GAL: variants seen among roughly 807,000 people sequenced by gnomAD.
GAL encodes galanin peptides.
In GAL, 14 loss-of-function variants were observed where a neutral mutation model predicts 15.8. That is an observed-to-expected ratio of 0.89 (90% CI 0.59 to 1.39). The LOEUF (loss-of-function observed/expected upper bound fraction) is 1.39. Ranked by LOEUF, GAL falls within the 40% of genes most tolerant of loss-of-function variation. The pLI is 0.00. For missense variants in GAL, 176 were observed against 170.4 expected (o/e 1.03, Z -0.18); for synonymous variants, 79 against 73.8 (o/e 1.07, Z -0.36).
At chr11:68,690,832 G>A (rs533223491) in intron 5 of GAL, 85 bp from the exon 6 acceptor site, 23 of 879,938 alleles carry the variant, frequency 2.6e-5, no homozygotes, top group East Asian at 1.7e-4. Context: ...ACCACACGCC[G>A]CTTCCTGTAG....
chr11:68,686,238 CCG>C (rs999591543), intron 3 of GAL, among the ~76,000 whole-genome samples: 36 of 152,248 alleles, frequency 2.4e-4, no homozygotes, highest in African/African-American at 8.7e-4. Flanking sequence ...TGACACCTCC[CCG>C]TGTCCGCCCC....
chr11:68,684,637 C>A lies in GAL; in HGVS notation c.-96C>A. The A allele has an allele frequency of 3.2e-6, 1 of 310,910 alleles. No homozygotes were observed. The highest frequency in any genetic ancestry group is 5.1e-5 in the East Asian group (1 of 19,612). 19.3% of individuals were successfully genotyped at this position (310,910 alleles called of 1,614,324 possible). The stretch of plus-strand genomic sequence containing the variant: ...CGGTGAGCGCCCCAGGCCGCCAGAG[C>A]CCACCCGACCCGGCCCGACGCCCGG... On this transcript the variant is annotated 5_prime_UTR_variant, in exon 1 of 6. Transcript: ENST00000265643.
intron 3 of GAL, among the ~76,000 whole-genome samples, chr11:68,687,403 G>C (rs1251653410): frequency 6.6e-6 from 1 of 151,298 alleles, no homozygotes; most frequent in South Asian, 2.1e-4. Context: ...CTCCATTTTC[G>C]CACCACGAAA....
Position 68,688,027 on chromosome 11 carries a change from C to A in GAL, c.150C>A (p.Asn50Lys). The A allele has an allele frequency of 2.5e-6, 4 of 1,611,226 alleles. No individual in the cohort carries two copies. In the South Asian group the frequency reaches 4.4e-5, roughly 18 times the overall value. ...ATCTGCAAACAGATGCCGTTGGCAA[C>A]CACAGGTCATTCAGCGACAAGAATG... The part of the protein sequence containing the change: ...GYLLGPHAVG[N>K]HRSFSDKNGL... The change falls in exon 4 of 6, where the codon AAC (asparagine) becomes AAA (lysine). Residue 50 changes from asparagine (N) to lysine (K), a missense_variant. Asn to Lys is a moderately conservative substitution (Grantham distance 94, BLOSUM62 0). Coordinates refer to ENST00000265643, the MANE Select transcript of GAL (RefSeq NM_015973.5).
At chr11:68,685,787 T>C in intron 3 of GAL, 139 bp downstream of exon 3, 1 of 698,940 alleles carries the variant, frequency 1.4e-6, no homozygotes, top group East Asian at 2.7e-5. Flanking sequence ...TCCATTGCTC[T>C]GCACACTTGA....
chr11:68,685,363 G>T (rs1335297894), intron 2 of GAL, among the ~76,000 whole-genome samples: 1 of 152,264 alleles, frequency 6.6e-6, no homozygotes, highest in African/African-American at 2.4e-5. Context: ...CAGGTGCAGT[G>T]CGCTGAGAGT....
intron 4 of GAL, 96 bp from the exon 5 acceptor site, chr11:68,688,753 C>A: frequency 4.2e-6 from 3 of 709,152 alleles, no homozygotes; most frequent in South Asian, 3.1e-5. Flanking sequence ...AGATCATTGA[C>A]CTTGCAGCGC....
In GAL at chr11:68,689,027, C is replaced by T. The variant is rs181126953; in HGVS notation, c.301+101C>T. On this transcript the variant is annotated intron_variant, in intron 5 of 5. Coordinates refer to ENST00000265643, the MANE Select transcript of GAL (RefSeq NM_015973.5). The stretch of plus-strand genomic sequence containing the variant: ...CCATAGAATCCCCCTGGGAAGTAGC[C>T]GATTACTTATCTACGTACAAAGTCC... The T allele has an allele frequency of 7.0e-4, 476 of 681,622 alleles. 4 individuals are homozygous for T. The African/African-American group carries it at 7.8e-3, about 11-fold the overall frequency. The allele number at this position is 681,622 out of a possible 1,614,324, so 42.2% of individuals were successfully genotyped here.
chr11:68,685,733 G>A (rs1945846546), intron 3 of GAL, 85 bp downstream of exon 3: 1 of 917,498 alleles, frequency 1.1e-6, no homozygotes, highest in East Asian at 2.6e-5. Context: ...TCCGCCTGCG[G>A]CTGGGCAGAC....
In GAL at chr11:68,691,037, T is replaced by G. The variant is rs377732390; in HGVS notation, c.*50T>G. On this transcript the variant is annotated 3_prime_UTR_variant, in exon 6 of 6. Coordinates refer to ENST00000265643, the MANE Select transcript of GAL (RefSeq NM_015973.5). ...TGTGCTGTAACCTGAAGTCAAACCT[T>G]AAGATAATGGATAATCTTCGGCCAA... 11 of 1,131,274 alleles carry G rather than the reference T, an allele frequency of 9.7e-6. No individual in the cohort carries two copies. The African/African-American group carries it at 1.7e-4, about 17-fold the overall frequency. The allele number at this position is 1,131,274 out of a possible 1,614,324, so 70.1% of individuals were successfully genotyped here.
intron 4 of GAL, among the ~76,000 whole-genome samples, chr11:68,688,437 T>C (rs909056540): frequency 1.0e-3 from 153 of 152,356 alleles, no homozygotes; most frequent in African/African-American, 3.5e-3. Context: ...AAGACCAGCC[T>C]GGCCAACATG....
intron 3 of GAL, among the ~76,000 whole-genome samples, 158 bp downstream of exon 3, chr11:68,685,806 C>T (rs905940489): frequency 3.4e-4 from 52 of 152,190 alleles, no homozygotes; most frequent in Non-Finnish European, 5.7e-4. Flanking sequence ...GATCTGTGTA[C>T]GGTTCTTTCC....
Position 68,688,043 on chromosome 11 carries a change from G to C in GAL, c.166G>C (p.Asp56His). Residue 56 changes from aspartate (D) to histidine (H), a missense_variant, in exon 4 of 6, where the codon GAC (aspartate) becomes CAC (histidine). Coordinates refer to ENST00000265643, the MANE Select transcript of GAL (RefSeq NM_015973.5). ...CGTTGGCAACCACAGGTCATTCAGC[G>C]ACAAGAATGGCCTCACCAGCAAGCG... is the stretch of plus-strand genomic sequence containing the variant. ...HAVGNHRSFS[D>H]KNGLTSKREL... 1.9e-6 allele frequency: 3 copies of C among 1,612,940 alleles called. No individual in the cohort carries two copies. The highest frequency in any genetic ancestry group is 2.5e-6 in the Non-Finnish European group (3 of 1,179,092).
Position 68,688,117 on chromosome 11 carries a change from C to G in GAL, c.223+17C>G. The G allele has an allele frequency of 6.6e-7, 1 of 1,523,994 alleles. No homozygotes were observed. The highest frequency in any genetic ancestry group is 1.7e-5 in the Admixed American group (1 of 59,894). 94.4% of individuals were successfully genotyped at this position (1,523,994 alleles called of 1,614,324 possible). On this transcript the variant is annotated intron_variant, in intron 4 of 5. Transcript: ENST00000265643. The stretch of plus-strand genomic sequence containing the variant: ...TGAAACCAGGTGAGAGGACTCCTAT[C>G]CCGGGCCCCGGGGCACCTCACTTCC...
intron 3 of GAL, among the ~76,000 whole-genome samples, chr11:68,687,169 C>A (rs188268815): frequency 1.3e-5 from 2 of 152,138 alleles, no homozygotes; most frequent in Non-Finnish European, 2.9e-5. Context: ...TCTGGAAATA[C>A]GCGTTAATTC....
chr11:68,685,546 A>G, intron 2 of GAL, 48 bp from the exon 3 acceptor site: 1 of 1,354,828 alleles, frequency 7.4e-7, no homozygotes, highest in Non-Finnish European at 1.1e-6. Flanking sequence ...CATTCAGCAT[A>G]GGCTCCAGGC....
intron 5 of GAL, 137 bp from the exon 6 acceptor site, chr11:68,690,780 C>T (rs1594276358): frequency 7.5e-6 from 5 of 667,648 alleles, no homozygotes; most frequent in Middle Eastern, 2.4e-4. Flanking sequence ...AGTGTTGTCC[C>T]TGATTCTGGG....
chr11:68,686,659 T>C (rs1217441901), intron 3 of GAL, among the ~76,000 whole-genome samples: 1 of 152,162 alleles, frequency 6.6e-6, no homozygotes, highest in Non-Finnish European at 1.5e-5. Context: ...CGCGTGCGGA[T>C]CGGTCCAGGC....
At position 68,684,698 on chromosome 11, in the gene GAL, C is replaced by T. The variant is rs1342385940; in HGVS notation, c.-35C>T. 4 of 411,534 alleles carry T rather than the reference C, an allele frequency of 9.7e-6. No homozygotes were observed. In the East Asian group the frequency reaches 1.1e-4, roughly 11 times the overall value. The allele number at this position is 411,534 out of a possible 1,614,324, so 25.5% of individuals were successfully genotyped here. ...CAGACCCGCCACCGCACCCGGACCC[C>T]GACGCTCCGAACCCGGGCGCAGCCG... is the stretch of plus-strand genomic sequence containing the variant. On this transcript the variant is annotated 5_prime_UTR_variant, in exon 1 of 6. Transcript: ENST00000265643.
Sources: gnomAD v4.1 joint callset for allele counts (sites outside exome capture counted in the v4.1 genomes callset) on GRCh38, gnomAD v4.1.1 for gene constraint, MANE v1.5 for transcripts, NCBI Gene and HGNC (gene_info 2026-07-23, HGNC 2026-07-21) for gene names.